The following KCNIP1 variants were observed in gnomAD, a reference collection of about 807,000 sequenced individuals.
The protein encoded by KCNIP1 is potassium voltage-gated channel interacting protein 1.
Under a neutral mutation model 33.0 loss-of-function variants are expected in KCNIP1, and 18 were observed. That is an observed-to-expected ratio of 0.55 (90% CI 0.38 to 0.81). The LOEUF (loss-of-function observed/expected upper bound fraction) is 0.81. Ranked by LOEUF, KCNIP1 falls within the 30% of genes least tolerant of loss-of-function variation. The pLI is 0.00. For missense variants in KCNIP1, 238 were observed against 271.6 expected (o/e 0.88, Z 0.87); for synonymous variants, 93 against 98.3 (o/e 0.95, Z 0.32).
intron 1 of KCNIP1, among the ~76,000 whole-genome samples, chr5:170,534,747 C>T (rs1359924515): frequency 6.6e-6 from 1 of 151,922 alleles, no homozygotes; most frequent in Non-Finnish European, 1.5e-5. Flanking sequence ...GTCTTGAACT[C>T]CTGGGCTCAA....
At chr5:170,499,067 A>G (rs1757363602), upstream of KCNIP1, among the ~76,000 whole-genome samples, 1 of 152,162 alleles carries the variant, frequency 6.6e-6, no homozygotes, top group South Asian at 2.1e-4. Context: ...TTGCTTTCTA[A>G]AAGCTCCCAG....
chr5:170,503,938 C>A, upstream of KCNIP1: 4 of 553,380 alleles, frequency 7.2e-6, no homozygotes, highest in Non-Finnish European at 9.2e-6. Flanking sequence ...GTCCCCCGCC[C>A]CCACCGTGCA....
At chr5:170,682,769 C>T (rs1392030952) in intron 1 of KCNIP1, among the ~76,000 whole-genome samples, 1 of 106,788 alleles carries the variant, frequency 9.4e-6, no homozygotes, top group African/African-American at 3.3e-5. Context: ...CAACAGCGTC[C>T]TATTTTCTTT....
intron 1 of KCNIP1, among the ~76,000 whole-genome samples, chr5:170,385,692 G>GACT (rs1419070485): frequency 7.7e-6 from 1 of 129,362 alleles, no homozygotes; most frequent in Non-Finnish European, 1.7e-5. Flanking sequence ...GCTCAGAGAG[G>GACT]TAAAGTGACT....
intron 1 of KCNIP1, among the ~76,000 whole-genome samples, chr5:170,567,605 G>T (rs779423619): frequency 1.3e-5 from 2 of 152,208 alleles, no homozygotes; most frequent in Non-Finnish European, 2.9e-5. Context: ...CAATGGGGAA[G>T]GACAGTTGAG....
intron 1 of KCNIP1, among the ~76,000 whole-genome samples, chr5:170,365,084 G>A (rs924740692): frequency 6.6e-6 from 1 of 152,150 alleles, no homozygotes; most frequent in African/African-American, 2.4e-5. Flanking sequence ...CGAGCTCTGT[G>A]AGGGCAGGGA....
chr5:170,701,101 G>T (rs911728498), intron 1 of KCNIP1, among the ~76,000 whole-genome samples: 1 of 152,070 alleles, frequency 6.6e-6, no homozygotes, highest in African/African-American at 2.4e-5. Flanking sequence ...CTTAAAAAAT[G>T]TTCCAACCAG....
At chr5:170,493,377 C>T (rs577320796) in intron 1 of KCNIP1, among the ~76,000 whole-genome samples, 82 of 152,092 alleles carry the variant, frequency 5.4e-4, no homozygotes, top group African/African-American at 1.5e-3. Context: ...CCTAGATCTG[C>T]GTAGAAGTTG....
intron 7 of KCNIP1, among the ~76,000 whole-genome samples, chr5:170,734,244 C>A (rs769541900): frequency 1.4e-5 from 1 of 71,908 alleles, no homozygotes; most frequent in Admixed American, 1.7e-4. Flanking sequence ...TACAAGGAAG[C>A]AGCTGGGGGG....
intron 1 of KCNIP1, among the ~76,000 whole-genome samples, chr5:170,498,329 G>T (rs985942419): frequency 2.0e-5 from 3 of 152,186 alleles, no homozygotes; most frequent in Admixed American, 1.3e-4. Flanking sequence ...AAATTGAGGG[G>T]CTCAAAGGTC....
intron 1 of KCNIP1, among the ~76,000 whole-genome samples, chr5:170,692,161 G>A (rs1326334476): frequency 6.6e-6 from 1 of 152,126 alleles, no homozygotes; most frequent in African/African-American, 2.4e-5. Context: ...TAACATGCGT[G>A]GGATTAAATA....
chr5:170,673,052 T>C (rs1159035374), intron 1 of KCNIP1, among the ~76,000 whole-genome samples: 1 of 152,254 alleles, frequency 6.6e-6, no homozygotes, highest in African/African-American at 2.4e-5. Flanking sequence ...GCAACTGATA[T>C]CTTGACAACA....
intron 1 of KCNIP1, among the ~76,000 whole-genome samples, chr5:170,498,132 G>A (rs1379340355): frequency 7.2e-5 from 11 of 152,214 alleles, no homozygotes; most frequent in Admixed American, 7.2e-4. Context: ...GGGGAGGTAG[G>A]GGAGAAGGTC....
At chr5:170,571,063 TC>T (rs1425233717) in intron 1 of KCNIP1, among the ~76,000 whole-genome samples, 1 of 152,230 alleles carries the variant, frequency 6.6e-6, no homozygotes, top group East Asian at 1.9e-4. Context: ...TGTGTTTTGG[TC>T]ACGCTCAGAT....
rs1763163454 is a variant in KCNIP1, at chr5:170,703,425, G to C, written c.62-15333G>C. Among the ~76,000 whole-genome samples, 3 of 137,896 alleles carry C rather than the reference G, an allele frequency of 2.2e-5. 1 individual carries two copies. The South Asian group carries it at 8.1e-4, about 37-fold the overall frequency. The allele number at this position is 137,896 out of a possible 152,430, so 90.5% of individuals were successfully genotyped here. ...CATAATTTCAGATTTCTAAAGGAAA[G>C]CCAAAAGTTCATATTTTTATGTGAA... On this transcript the variant is annotated intron_variant, in intron 1 of 7. Transcript: ENST00000328939.
At chr5:170,629,392 C>T (rs776126874) in intron 1 of KCNIP1, among the ~76,000 whole-genome samples, 1 of 152,208 alleles carries the variant, frequency 6.6e-6, no homozygotes, top group Non-Finnish European at 1.5e-5. Context: ...ACTCCTCCCC[C>T]AGGACCTGCT....
intron 1 of KCNIP1, among the ~76,000 whole-genome samples, chr5:170,617,756 T>G (rs1396404862): frequency 6.6e-6 from 1 of 152,216 alleles, no homozygotes; most frequent in Non-Finnish European, 1.5e-5. Flanking sequence ...CTAAATTGAA[T>G]GAAGGATTCT....
chr5:170,474,266 A>G (rs1015663659), intron 1 of KCNIP1, among the ~76,000 whole-genome samples: 2 of 152,100 alleles, frequency 1.3e-5, no homozygotes, highest in African/African-American at 4.8e-5. Flanking sequence ...TTACCCTCCA[A>G]GAACTCCACC....
chr5:170,400,834 A>G (rs1754884878), intron 1 of KCNIP1, among the ~76,000 whole-genome samples: 1 of 152,264 alleles, frequency 6.6e-6, no homozygotes, highest in Non-Finnish European at 1.5e-5. Context: ...GAAATGTTCT[A>G]TAACTTTAAG....
Sources: allele counts gnomAD v4.1 joint callset (sites outside exome capture counted in the v4.1 genomes callset), GRCh38; gene constraint gnomAD v4.1.1; transcripts MANE v1.5; gene names NCBI Gene and HGNC (gene_info 2026-07-23, HGNC 2026-07-21).